Variants in SLC6A12 observed in about 807,000 individuals in gnomAD.
The protein encoded by SLC6A12 is solute carrier family 6 member 12.
SLC6A12 carries 50 observed loss-of-function variants against 73.3 expected under a neutral mutation model. The observed-to-expected ratio is 0.68, with a 90% CI of 0.54 to 0.86. SLC6A12 has a LOEUF of 0.86. Ranked by LOEUF, SLC6A12 falls within the 40% of genes least tolerant of loss-of-function variation. The pLI is 0.00. For synonymous variants in SLC6A12, 304 were observed against 309.2 expected (o/e 0.98, Z 0.18); for missense variants, 648 against 772.8 (o/e 0.84, Z 1.92).
intron 6 of SLC6A12, 186 bp downstream of exon 6, chr12:201,576 A>G: frequency 1.7e-6 from 1 of 593,136 alleles, no homozygotes; most frequent in East Asian, 2.9e-5. Flanking sequence ...GTCTCCGTGG[A>G]CCCGTGTGGG....
chr12:187,109 T>C (rs1362686433), downstream of SLC6A12, among the ~76,000 whole-genome samples: 1 of 152,204 alleles, frequency 6.6e-6, no homozygotes, highest in Non-Finnish European at 1.5e-5. Context: ...GCCTCAGGGC[T>C]TCTGCTGCAA....
At chr12:208,106 C>T (rs1270759899) in intron 3 of SLC6A12, among the ~76,000 whole-genome samples, 2 of 152,170 alleles carry the variant, frequency 1.3e-5, no homozygotes, top group African/African-American at 4.8e-5. Context: ...AGAAATGGTT[C>T]CAAGGCCCTC....
chr12:204,741 T>C (rs200532828), intron 3 of SLC6A12, 43 bp from the exon 4 acceptor site: 1 of 1,608,112 alleles, frequency 6.2e-7, no homozygotes, highest in East Asian at 2.2e-5. Context: ...ACCCGGGCTC[T>C]TCCTCAGCCT....
rs181275905 is a variant in SLC6A12, at chr12:196,586, G to C, written c.1188+184C>G. ...GCTCAAGGCTGGGAGCACAAAGCCA[G>C]TGGCCCCTTCACCCCAGAGGGTCTC... On this transcript the variant is annotated intron_variant, in intron 11 of 15. Transcript: ENST00000684302. 4.1e-3 allele frequency among the ~76,000 whole-genome samples: 617 copies of C among 152,330 alleles called. 4 individuals carry two copies. The highest frequency in any genetic ancestry group is 0.014 in the African/African-American group (577 of 41,558).
chr12:193,264 G>C lies in SLC6A12; in HGVS notation c.1530+13C>G, dbSNP rs1176707347. On this transcript the variant is annotated intron_variant, in intron 14 of 15. Transcript: ENST00000684302. ...GGCAGGAAGGAATAGAGGGGCAGCT[G>C]GTGGGCACATACCAGGCAAAGTCCA... The C allele has an allele frequency of 6.3e-7, 1 of 1,586,538 alleles. No homozygotes were observed. The highest frequency in any genetic ancestry group is 2.2e-5 in the East Asian group (1 of 44,738).
chr12:211,251 T>C (rs189769153), intron 2 of SLC6A12: 3 of 152,368 alleles, frequency 2.0e-5, no homozygotes, highest in Admixed American at 2.0e-4. Context: ...GTTTATTTAC[T>C]GGTCCTTTTA....
chr12:185,772 G>A (rs1456851995), downstream of SLC6A12, among the ~76,000 whole-genome samples: 2 of 152,324 alleles, frequency 1.3e-5, no homozygotes, highest in East Asian at 1.9e-4. Context: ...TGGAAGCAGA[G>A]AGCGCTGGAG....
At chr12:199,227 CTCT>C (rs1257267424) in intron 7 of SLC6A12, among the ~76,000 whole-genome samples, 1 of 152,252 alleles carries the variant, frequency 6.6e-6, no homozygotes, top group East Asian at 1.9e-4. Context: ...CATTTTTTTC[CTCT>C]TATTTTTAGT....
Position 198,693 on chromosome 12 carries a change from T to G in SLC6A12, c.846+104A>C. On this transcript the variant is annotated intron_variant, in intron 8 of 15. Transcript: ENST00000684302. This position sits in a 1 kb window ranked among gnomAD's most constrained non-coding sequence, Gnocchi z 4.0. Reference sequence around the variant, plus strand: ...TTTCTAATTTATCTCCAGTGGGCATTTATTGCTTTTAAACCAAGGAAAAAG... The same window carrying G: ...TTTCTAATTTATCTCCAGTGGGCATGTATTGCTTTTAAACCAAGGAAAAAG... The G allele has an allele frequency of 1.0e-6, 1 of 958,486 alleles. No individual in the cohort carries two copies. The highest frequency in any genetic ancestry group is 1.5e-6 in the Non-Finnish European group (1 of 653,040). 59.4% of individuals were successfully genotyped at this position (958,486 alleles called of 1,614,324 possible).
Position 200,796 on chromosome 12 carries a change from G to C in SLC6A12, c.579-13C>G. The C allele has an allele frequency of 6.2e-7, 1 of 1,610,984 alleles. No individual in the cohort carries two copies. On this transcript the variant is annotated splice_polypyrimidine_tract_variant and intron_variant, in intron 6 of 15. Coordinates refer to ENST00000684302, the MANE Select transcript of SLC6A12 (RefSeq NM_001122848.3). Reference sequence around the variant, plus strand: ...CAGAACTCGTCTCCTGGAGGATTGGGAAAAATAAGTAATGAGGGGAAAGGC... The same window carrying C: ...CAGAACTCGTCTCCTGGAGGATTGGCAAAAATAAGTAATGAGGGGAAAGGC...
At chr12:203,539 C>T (rs1034728305) in intron 4 of SLC6A12, 3 of 152,112 alleles carry the variant, frequency 2.0e-5, no homozygotes, top group Non-Finnish European at 2.9e-5. Context: ...CGGGAGGGAC[C>T]CGCAGACGGC....
At chr12:189,191 G>C (rs1288228600), downstream of SLC6A12, among the ~76,000 whole-genome samples, 1 of 152,184 alleles carries the variant, frequency 6.6e-6, no homozygotes, top group Non-Finnish European at 1.5e-5. Flanking sequence ...CTGCGGGCAG[G>C]GGCCGGCTGA....
chr12:199,063 A>G lies in SLC6A12; in HGVS notation c.712-132T>C, dbSNP rs78022704. 1,238 of 816,968 alleles carry G rather than the reference A, an allele frequency of 1.5e-3. 12 individuals carry two copies. The African/African-American group carries it at 0.019, about 12-fold the overall frequency. 50.6% of individuals were successfully genotyped at this position (816,968 alleles called of 1,614,324 possible). ...GAGACAGCCTAGAGGGGCTAAGCAC[A>G]AGAAAGTTTCCACACCTCCCTTTAC... On this transcript the variant is annotated intron_variant, in intron 7 of 15. Transcript: ENST00000684302.
downstream of SLC6A12, among the ~76,000 whole-genome samples, chr12:188,181 G>C (rs1293069314): frequency 2.0e-5 from 3 of 152,168 alleles, no homozygotes; most frequent in South Asian, 4.1e-4. Flanking sequence ...GGCGCTGGTC[G>C]GGGAGGCTCG....
Position 200,209 on chromosome 12 carries a change from C to T in SLC6A12, c.711+442G>A, listed in dbSNP as rs915081905. ...CTGCAAGCTCCGCCTCCCGGGTTCA[C>T]GCCATTCTCCTGCCTCAGCCTCCTG... On this transcript the variant is annotated intron_variant, in intron 7 of 15. Coordinates refer to ENST00000684302, the MANE Select transcript of SLC6A12 (RefSeq NM_001122848.3). Among the ~76,000 whole-genome samples the T allele has an allele frequency of 2.5e-4, 38 of 150,480 alleles. 2 individuals are homozygous for T. The highest frequency in any genetic ancestry group is 6.9e-4 in the African/African-American group (28 of 40,736).
chr12:206,992 C>T (rs1940682442), intron 3 of SLC6A12, among the ~76,000 whole-genome samples: 1 of 152,252 alleles, frequency 6.6e-6, no homozygotes, highest in Non-Finnish European at 1.5e-5. Context: ...CTTCAGGAGG[C>T]CTGGAGCTGG....
In SLC6A12 at chr12:200,351, G is replaced by A. The variant is rs542918766; in HGVS notation, c.711+300C>T. Among the ~76,000 whole-genome samples the A allele has an allele frequency of 1.9e-3, 296 of 151,990 alleles. 3 individuals are homozygous for A. The highest frequency in any genetic ancestry group is 1.0e-3 in the South Asian group (5 of 4,794). Reference sequence around the variant, plus strand: ...TCTCGATCTCCTGACCTCGTGATCCGCCAGCCTCGGCCTCCCAAAGTGCTG... The same window carrying A: ...TCTCGATCTCCTGACCTCGTGATCCACCAGCCTCGGCCTCCCAAAGTGCTG... On this transcript the variant is annotated intron_variant, in intron 7 of 15. Coordinates refer to ENST00000684302, the MANE Select transcript of SLC6A12 (RefSeq NM_001122848.3).
At chr12:202,608 C>T in intron 5 of SLC6A12, 132 bp downstream of exon 5, 1 of 863,800 alleles carries the variant, frequency 1.2e-6, no homozygotes, top group Non-Finnish European at 1.8e-6. Flanking sequence ...AGCAGAGCTG[C>T]CCAGGAGCCC....
chr12:187,033 G>A (rs1016371073), downstream of SLC6A12, among the ~76,000 whole-genome samples: 55 of 152,198 alleles, frequency 3.6e-4, 1 homozygote, highest in Non-Finnish European at 1.6e-4. Context: ...GAATTCAAAC[G>A]CAAAAGCGAA....
Sources: allele counts gnomAD v4.1 joint callset (sites outside exome capture counted in the v4.1 genomes callset), GRCh38; gene constraint gnomAD v4.1.1; non-coding constraint Gnocchi (gnomAD v3.1); transcripts MANE v1.5; gene names NCBI Gene and HGNC (gene_info 2026-07-23, HGNC 2026-07-21).